The following LRP1B variants were observed in gnomAD, a reference collection of about 807,000 sequenced individuals.
The protein encoded by LRP1B is LDL receptor related protein 1B.
A neutral mutation model predicts 556.6 loss-of-function variants in LRP1B; 217 were observed. That is an observed-to-expected ratio of 0.39 (90% CI 0.35 to 0.44). LRP1B has a LOEUF of 0.44. Ranked by LOEUF, LRP1B falls within the 20% of genes least tolerant of loss-of-function variation. The probability of loss-of-function intolerance (pLI) is 1.00; values close to 1 mark genes in which losing one functional copy is unlikely to be tolerated. For synonymous variants in LRP1B, 2,047 were observed against 1,865.8 expected (o/e 1.10, Z -2.50); for missense variants, 5,053 against 5,620.8 (o/e 0.90, Z 3.23).
At chr2:140,645,686 C>T (rs909041578) in intron 41 of LRP1B, among the ~76,000 whole-genome samples, 1 of 151,632 alleles carries the variant, frequency 6.6e-6, no homozygotes, top group African/African-American at 2.4e-5. Flanking sequence ...ACTACAGGCA[C>T]TGCCACGACG....
chr2:141,937,482 T>C (rs1160405772), intron 1 of LRP1B, among the ~76,000 whole-genome samples: 4 of 151,748 alleles, frequency 2.6e-5, no homozygotes, highest in African/African-American at 7.2e-5. Flanking sequence ...ACTTCAAATG[T>C]ATGGATTGAG....
chr2:140,658,483 T>C (rs1684966790), intron 41 of LRP1B, among the ~76,000 whole-genome samples: 1 of 151,088 alleles, frequency 6.6e-6, no homozygotes, highest in Non-Finnish European at 1.5e-5. Context: ...TTATAAACAA[T>C]AATCATTTTT....
intron 83 of LRP1B, among the ~76,000 whole-genome samples, chr2:140,302,211 T>C (rs531869826): frequency 1.2e-4 from 19 of 152,280 alleles, no homozygotes; most frequent in African/African-American, 4.3e-4. Context: ...CCCAATTTTA[T>C]GGCTTAAATA....
At chr2:140,341,308 G>A (rs1681379216) in intron 77 of LRP1B, among the ~76,000 whole-genome samples, 1 of 151,396 alleles carries the variant, frequency 6.6e-6, no homozygotes, top group Non-Finnish European at 1.5e-5. Context: ...TCCTTAAACT[G>A]ACAATAAAAT....
At chr2:140,602,624 C>G (rs1682715650) in intron 41 of LRP1B, among the ~76,000 whole-genome samples, 1 of 151,958 alleles carries the variant, frequency 6.6e-6, no homozygotes, top group Non-Finnish European at 1.5e-5. Context: ...AAATAGGTAT[C>G]TGAAAAGAGC....
intron 1 of LRP1B, among the ~76,000 whole-genome samples, chr2:142,079,338 T>C (rs1312886090): frequency 6.6e-6 from 1 of 152,074 alleles, no homozygotes; most frequent in African/African-American, 2.4e-5. Flanking sequence ...AATGGAAATA[T>C]CTAAATACTT....
intron 2 of LRP1B, among the ~76,000 whole-genome samples, chr2:141,794,801 C>T (rs992137501): frequency 1.3e-5 from 2 of 151,986 alleles, no homozygotes; most frequent in African/African-American, 2.4e-5. Flanking sequence ...AAGAATAATT[C>T]TTAAAACTGT....
At chr2:141,935,993 C>T (rs1700625724) in intron 1 of LRP1B, among the ~76,000 whole-genome samples, 1 of 152,002 alleles carries the variant, frequency 6.6e-6, no homozygotes, top group African/African-American at 2.4e-5. Context: ...AAGTGATGCA[C>T]AGAAAATACT....
At chr2:142,118,779 G>T (rs944568483) in intron 1 of LRP1B, among the ~76,000 whole-genome samples, 1 of 151,976 alleles carries the variant, frequency 6.6e-6, no homozygotes, top group Non-Finnish European at 1.5e-5. Flanking sequence ...CTCTGCTAAA[G>T]TACACAGCAA....
intron 47 of LRP1B, among the ~76,000 whole-genome samples, chr2:140,528,348 C>T (rs890121574): frequency 1.3e-5 from 2 of 151,768 alleles, no homozygotes; most frequent in Non-Finnish European, 2.9e-5. Flanking sequence ...CCTTGAACTA[C>T]ATGAAAATAA....
At chr2:141,572,407 C>A (rs1686561895) in intron 2 of LRP1B, among the ~76,000 whole-genome samples, 1 of 152,094 alleles carries the variant, frequency 6.6e-6, no homozygotes, top group African/African-American at 2.4e-5. Context: ...ACCAGGCCTG[C>A]CCTGCAAGAG....
chr2:142,126,251 A>T (rs553090268), intron 1 of LRP1B, among the ~76,000 whole-genome samples: 13 of 150,244 alleles, frequency 8.7e-5, no homozygotes, highest in South Asian at 2.1e-4. Flanking sequence ...ATAACTTAAA[A>T]TTTTTTTCAT....
chr2:141,630,877 T>G (rs1056223271), intron 2 of LRP1B, among the ~76,000 whole-genome samples: 2 of 152,230 alleles, frequency 1.3e-5, no homozygotes, highest in African/African-American at 2.4e-5. Flanking sequence ...TTTCTAATTA[T>G]GTCTTACTTT....
chr2:141,390,126 G>A (rs1000553593), intron 3 of LRP1B, among the ~76,000 whole-genome samples: 51 of 152,116 alleles, frequency 3.4e-4, no homozygotes, highest in African/African-American at 1.1e-3. Context: ...GAACAAGAGC[G>A]AAACTCCATT....
At chr2:141,690,257 G>T (rs756220168) in intron 2 of LRP1B, among the ~76,000 whole-genome samples, 45 of 150,742 alleles carry the variant, frequency 3.0e-4, no homozygotes, top group Non-Finnish European at 5.8e-4. Context: ...TTACAAGCAT[G>T]CTGCTTCTTG....
rs1234401234 is a variant in LRP1B at position 140,314,917 on chromosome 2, T to C, written c.12805+18A>G. 1 of 1,548,594 alleles carries C rather than the reference T, an allele frequency of 6.5e-7. No homozygotes were observed. Among genetic ancestry groups the C allele is most frequent in the South Asian group, 1.3e-5 (1 of 79,520 alleles). ...AAAGTGAAAAAGATGTGAAATACAATGACAATGAAATATTTACCTAGAACT... is the reference window on the plus strand; with the variant it reads ...AAAGTGAAAAAGATGTGAAATACAACGACAATGAAATATTTACCTAGAACT... On this transcript the variant is annotated intron_variant, in intron 83 of 90. Coordinates refer to ENST00000389484, the MANE Select transcript of LRP1B (RefSeq NM_018557.3).
chr2:140,461,069 GAAAAAAAAAA>G (rs1217803995), intron 60 of LRP1B, among the ~76,000 whole-genome samples: 2 of 72,346 alleles, frequency 2.8e-5, no homozygotes, highest in African/African-American at 1.0e-4. Flanking sequence ...ACTCAAAAAA[GAAAAAAAAAA>G]AAAAAGAAAG....
At chr2:140,975,870 A>T (rs1366505122) in intron 18 of LRP1B, among the ~76,000 whole-genome samples, 1 of 152,058 alleles carries the variant, frequency 6.6e-6, no homozygotes, top group Non-Finnish European at 1.5e-5. Context: ...CTGGGTAAAA[A>T]TTCCATTTTG....
intron 17 of LRP1B, among the ~76,000 whole-genome samples, chr2:140,985,817 G>T: frequency 6.6e-6 from 1 of 151,154 alleles, no homozygotes; most frequent in Non-Finnish European, 1.5e-5. Context: ...TCAGTTTACT[G>T]TTATATAGCT....
Sources: allele counts gnomAD v4.1 joint callset (sites outside exome capture counted in the v4.1 genomes callset), GRCh38; gene constraint gnomAD v4.1.1; transcripts MANE v1.5; gene names NCBI Gene and HGNC (gene_info 2026-07-23, HGNC 2026-07-21).